OTOG: variants seen among roughly 807,000 people sequenced by gnomAD.
OTOG encodes otogelin.
In OTOG, 296 loss-of-function variants were observed where a neutral mutation model predicts 313.8. The ratio of observed to expected loss-of-function variants is 0.94; its 90% confidence interval spans 0.86 to 1.04. The LOEUF (loss-of-function observed/expected upper bound fraction) is 1.04, where lower values mean the gene tolerates loss of function less well. OTOG is among the 50% of genes least tolerant of loss of function. The probability of loss-of-function intolerance (pLI) is 0.00; values close to 1 mark genes in which losing one functional copy is unlikely to be tolerated. For synonymous variants in OTOG, 1,533 were observed against 1,554.9 expected, an observed-to-expected ratio of 0.99 and a Z score of 0.33; for missense variants, 3,948 against 3,840.1, an observed-to-expected ratio of 1.03 and a Z score of -0.74.
At chr11:17,591,614 G>C (rs1852938973) in intron 25 of OTOG, 26 bp downstream of exon 25, 1 of 1,549,662 alleles carries the variant, frequency 6.5e-7, no homozygotes, top group African/African-American at 1.4e-5. Context: ...TTTCTGCCCA[G>C]TTGGCTCCAT....
intron 47 of OTOG, 99 bp downstream of exon 47, chr11:17,635,810 G>A (rs372571180): frequency 1.1e-5 from 11 of 997,998 alleles, no homozygotes; most frequent in South Asian, 5.6e-5. Flanking sequence ...GCAACAGAGC[G>A]CCCCCAGGTG....
intron 23 of OTOG, among the ~76,000 whole-genome samples, chr11:17,585,609 A>T (rs1852774386): frequency 6.6e-6 from 1 of 152,100 alleles, no homozygotes; most frequent in South Asian, 2.1e-4. Context: ...TCTATTTCAC[A>T]TCCTGACCTG....
At chr11:17,572,467 T>C (rs1049145894) in intron 18 of OTOG, among the ~76,000 whole-genome samples, 2 of 152,204 alleles carry the variant, frequency 1.3e-5, no homozygotes, top group Non-Finnish European at 2.9e-5. Context: ...GTCGGCCCCA[T>C]GGCCCCACCA....
At chr11:17,568,187 G>T (rs965999933) in intron 15 of OTOG, among the ~76,000 whole-genome samples, 1 of 152,154 alleles carries the variant, frequency 6.6e-6, no homozygotes, top group African/African-American at 2.4e-5. Context: ...GATTACAGGC[G>T]TGAGCCACCG....
intron 36 of OTOG, among the ~76,000 whole-genome samples, chr11:17,611,667 AGTG>A: frequency 6.8e-6 from 1 of 147,718 alleles, no homozygotes; most frequent in South Asian, 2.5e-4. Context: ...TGTGTGTGCT[AGTG>A]TGTGCCTGTG....
chr11:17,631,817 C>T lies in OTOG; in HGVS notation c.6828C>T (p.Thr2276=), dbSNP rs536891314. The change falls in exon 41 of 56, where the codon ACC becomes ACT. Residue 2276 remains threonine, a synonymous_variant. Coordinates refer to ENST00000399397, the MANE Select transcript of OTOG (RefSeq NM_001292063.2). ...GCTGGCAGGTGCCCAGCTCCCTGAC[C>T]TCAGTGGGCCAGACCCGCTTCCGCC... ...LDSWQVPSSL[T]SVGQTRFRPD... is the part of the protein sequence containing the mutation. The T allele has an allele frequency of 9.0e-5, 140 of 1,550,608 alleles. No individual in the cohort carries two copies. In the African/African-American group the frequency reaches 1.7e-3, roughly 19 times the overall value.
intron 23 of OTOG, among the ~76,000 whole-genome samples, chr11:17,582,843 A>G (rs1218820878): frequency 7.9e-5 from 12 of 151,976 alleles, no homozygotes; most frequent in Admixed American, 4.6e-4. Flanking sequence ...TTTTTTATGT[A>G]TTTTAGATAC....
At chr11:17,552,551 C>T (rs112855992) in intron 4 of OTOG, among the ~76,000 whole-genome samples, 75 of 135,140 alleles carry the variant, frequency 5.5e-4, no homozygotes, top group African/African-American at 1.5e-3. Context: ...CCTGTGTCCC[C>T]CACCTGTCCT....
At chr11:17,605,805 C>T in intron 32 of OTOG, 52 bp from the exon 33 acceptor site, 1 of 1,483,214 alleles carries the variant, frequency 6.7e-7, no homozygotes, top group Admixed American at 2.2e-5. Context: ...GCTGTTCCCG[C>T]AGCCACCTGG....
At chr11:17,633,061 A>C (rs1206636432) in intron 42 of OTOG, among the ~76,000 whole-genome samples, 1 of 152,262 alleles carries the variant, frequency 6.6e-6, no homozygotes, top group Admixed American at 6.5e-5. Flanking sequence ...AGCGATTTTC[A>C]ATCCTAAATA....
chr11:17,581,468 CT>C (rs1314892221), intron 23 of OTOG, among the ~76,000 whole-genome samples: 3 of 152,192 alleles, frequency 2.0e-5, no homozygotes, highest in Admixed American at 2.0e-4. Context: ...ACAGAGATTT[CT>C]TCCCTTGAAA....
chr11:17,621,547 A>G (rs1168823582), intron 39 of OTOG, among the ~76,000 whole-genome samples: 1 of 152,156 alleles, frequency 6.6e-6, no homozygotes, highest in Non-Finnish European at 1.5e-5. Flanking sequence ...CTGAAAATTC[A>G]GGACAGGGTC....
rs138437309 is a variant in OTOG at position 17,588,295 on chromosome 11, C to T, written c.2867+1714C>T. Reference sequence around the variant, plus strand: ...GCCACTGTGGCCCAGATTCCAGCTGCTCTCCCGTGGGGAGGCAGGTGCTGG... The same window carrying T: ...GCCACTGTGGCCCAGATTCCAGCTGTTCTCCCGTGGGGAGGCAGGTGCTGG... On this transcript the variant is annotated intron_variant, in intron 24 of 55. Transcript: ENST00000399397. Among the ~76,000 whole-genome samples, 30 of 152,310 alleles carry T rather than the reference C, an allele frequency of 2.0e-4. No homozygotes were observed. The East Asian group carries it at 5.4e-3, about 27-fold the overall frequency.
chr11:17,553,530 C>T lies in OTOG; in HGVS notation c.540+11C>T, dbSNP rs1250810084. On this transcript the variant is annotated intron_variant, in intron 6 of 55. Transcript: ENST00000399397. ...AGCTTCTCCATCCAGGTGAGGCCTC[C>T]CCTGCCTTGCCTGTCCAGGAATGCT... 2.8e-6 allele frequency: 4 copies of T among 1,423,044 alleles called. No homozygotes were observed. Among genetic ancestry groups the T allele is most frequent in the African/African-American group, 1.4e-5 (1 of 69,372 alleles). 88.2% of individuals were successfully genotyped at this position (1,423,044 alleles called of 1,614,324 possible).
At chr11:17,603,685 C>A (rs940673320) in intron 32 of OTOG, among the ~76,000 whole-genome samples, 1 of 152,116 alleles carries the variant, frequency 6.6e-6, no homozygotes, top group South Asian at 2.1e-4. Flanking sequence ...CCAGGTGGGA[C>A]CTAGGGTGGC....
At chr11:17,550,810 G>T (rs572047479) in intron 3 of OTOG, among the ~76,000 whole-genome samples, 1 of 152,184 alleles carries the variant, frequency 6.6e-6, no homozygotes, top group Admixed American at 6.5e-5. Context: ...AGGATTGCTC[G>T]GGAGAACCCA....
At chr11:17,616,832 A>G (rs574322361) in intron 39 of OTOG, among the ~76,000 whole-genome samples, 37 of 152,262 alleles carry the variant, frequency 2.4e-4, no homozygotes, top group African/African-American at 8.7e-4. Context: ...TTCCTTTCCA[A>G]TGAGTATGCT....
At chr11:17,566,147 A>G (rs998938752) in intron 15 of OTOG, among the ~76,000 whole-genome samples, 4 of 152,192 alleles carry the variant, frequency 2.6e-5, no homozygotes, top group African/African-American at 9.7e-5. Context: ...CACTCCCCAC[A>G]GATACCAAAA....
chr11:17,613,252 T>TTTCTTTCTTTCTTTCTTTC, intron 38 of OTOG, among the ~76,000 whole-genome samples: 1 of 141,558 alleles, frequency 7.1e-6, no homozygotes, highest in Admixed American at 6.9e-5. Context: ...TCTTTCTTTC[T>TTTCTTTCTTTCTTTCTTTC]TTCTTTCTTT....
Sources: allele counts gnomAD v4.1 joint callset (sites outside exome capture counted in the v4.1 genomes callset), GRCh38; gene constraint gnomAD v4.1.1; transcripts MANE v1.5; gene names NCBI Gene and HGNC (gene_info 2026-07-23, HGNC 2026-07-21).